PPP1R8: variants seen among roughly 807,000 people sequenced by gnomAD.
The protein encoded by PPP1R8 is protein phosphatase 1 regulatory subunit 8.
PPP1R8 carries 4 observed loss-of-function variants against 31.3 expected under a neutral mutation model. The ratio of observed to expected loss-of-function variants is 0.13; its 90% CI spans 0.06 to 0.29. PPP1R8 has a LOEUF of 0.29. Ranked by LOEUF, PPP1R8 falls within the 10% of genes least tolerant of loss-of-function variation. PPP1R8 has a pLI of 1.00. For synonymous variants in PPP1R8, 170 were observed against 169.7 expected (o/e 1.00, Z -0.01); for missense variants, 254 against 440.1 (o/e 0.58, Z 3.78).
At chr1:27,831,488 T>A in intron 1 of PPP1R8, 2 of 451,286 alleles carry the variant, frequency 4.4e-6, no homozygotes, top group Non-Finnish European at 5.8e-6. Flanking sequence ...TGAAATAATT[T>A]AATTTGGTCT....
At chr1:27,846,998 A>C (rs751736007) in intron 5 of PPP1R8, 30 bp from the exon 6 acceptor site, 7 of 1,605,438 alleles carry the variant, frequency 4.4e-6, no homozygotes, top group Non-Finnish European at 6.0e-6. Context: ...TAAAGTACCA[A>C]CCCAACCCTG....
intron 6 of PPP1R8, among the ~76,000 whole-genome samples, chr1:27,848,353 C>T (rs1321560093): frequency 6.6e-6 from 1 of 151,034 alleles, no homozygotes; most frequent in South Asian, 2.1e-4. Context: ...TGCAGTGAGC[C>T]GAGATCACAC....
In PPP1R8 at chr1:27,830,830, C is replaced by G; in HGVS notation, c.-6C>G. 3.8e-6 allele frequency: 6 copies of G among 1,575,134 alleles called. No homozygotes were observed. The highest frequency in any genetic ancestry group is 4.3e-6 in the Non-Finnish European group (5 of 1,161,458). On this transcript the variant is annotated 5_prime_UTR_variant, in exon 1 of 7. Coordinates refer to ENST00000311772, the MANE Select transcript of PPP1R8 (RefSeq NM_014110.5). ...GGGCGCGCCAAATGGGAGGGGGAGA[C>G]GCAAGATGGCGGCAGCCGCGAACTC...
At chr1:27,831,350 C>T (rs2089104015) in intron 1 of PPP1R8, 12 of 989,936 alleles carry the variant, frequency 1.2e-5, no homozygotes, top group Non-Finnish European at 1.4e-5. Context: ...TGTCTGTCTG[C>T]CACAGAGAAT....
intron 5 of PPP1R8, among the ~76,000 whole-genome samples, chr1:27,845,071 G>C (rs945513664): frequency 6.9e-6 from 1 of 144,942 alleles, no homozygotes; most frequent in African/African-American, 2.6e-5. Flanking sequence ...GTGAGGATCT[G>C]ATCTGCTCTG....
intron 5 of PPP1R8, among the ~76,000 whole-genome samples, chr1:27,845,441 A>G (rs536516193): frequency 1.3e-5 from 2 of 151,908 alleles, no homozygotes; most frequent in South Asian, 2.1e-4. Context: ...TTCTTAGGGA[A>G]ATGTGTTCAG....
intron 2 of PPP1R8, among the ~76,000 whole-genome samples, chr1:27,833,271 G>C (rs1471916162): frequency 6.6e-6 from 1 of 152,230 alleles, no homozygotes; most frequent in Non-Finnish European, 1.5e-5. Flanking sequence ...TAATGGAATT[G>C]TGGTGAAATT....
rs776486594 is a variant in PPP1R8, at chr1:27,830,900, C to G, written c.56+9C>G. The G allele has an allele frequency of 4.1e-5, 64 of 1,562,936 alleles. No homozygotes were observed. The highest frequency in any genetic ancestry group is 5.4e-5 in the Non-Finnish European group (62 of 1,154,652). On this transcript the variant is annotated intron_variant, in intron 1 of 6. Transcript: ENST00000311772. The stretch of plus-strand genomic sequence containing the variant: ...TTCGACTGCCCAACCTGGTGAGTGG[C>G]GGGGCGGCCAGGGCTAGAGTGGCCC...
chr1:27,847,831 C>CT (rs1360898181), intron 6 of PPP1R8, among the ~76,000 whole-genome samples: 7 of 152,280 alleles, frequency 4.6e-5, no homozygotes, highest in Admixed American at 6.5e-5. Flanking sequence ...GAAATGAAAT[C>CT]TATGTTTAGG....
chr1:27,845,113 G>C (rs572972774), intron 5 of PPP1R8, among the ~76,000 whole-genome samples: 2 of 141,978 alleles, frequency 1.4e-5, no homozygotes, highest in Admixed American at 1.4e-4. Context: ...GCCCTCGGCC[G>C]GGCACGGTGG....
chr1:27,843,459 C>G (rs2089242089), intron 5 of PPP1R8, 129 bp downstream of exon 5: 1 of 1,108,216 alleles, frequency 9.0e-7, no homozygotes. Context: ...GAGTTCAAGA[C>G]TAGCCTGGCC....
Position 27,850,819 on chromosome 1 carries a change from C to T in PPP1R8, c.*373C>T. 1 of 173,848 alleles carries T rather than the reference C, an allele frequency of 5.8e-6. No homozygotes were observed. Among genetic ancestry groups the T allele is most frequent in the Non-Finnish European group, 1.2e-5 (1 of 81,958 alleles). 10.8% of individuals were successfully genotyped at this position (173,848 alleles called of 1,614,324 possible). A position where few individuals can be genotyped will look rare whatever the true frequency, so the allele number is the denominator to read the frequency against. On this transcript the variant is annotated 3_prime_UTR_variant, in exon 7 of 7. Coordinates refer to ENST00000311772, the MANE Select transcript of PPP1R8 (RefSeq NM_014110.5). ...TAGAGGTTACAGTAGCATCACCAGC[C>T]TTGGGGGTCCAGAGCCTAATTTATA...
intron 5 of PPP1R8, among the ~76,000 whole-genome samples, chr1:27,843,641 C>CAA (rs67039473): frequency 6.9e-6 from 1 of 145,310 alleles, no homozygotes; most frequent in Non-Finnish European, 1.5e-5. Flanking sequence ...GCCTAGGTGA[C>CAA]AAAAAAAAAA....
At chr1:27,838,167 C>T (rs1412987640) in intron 2 of PPP1R8, among the ~76,000 whole-genome samples, 2 of 146,326 alleles carry the variant, frequency 1.4e-5, no homozygotes, top group Non-Finnish European at 3.0e-5. Context: ...GCCAAGATTG[C>T]ACCATTGCAC....
rs2089123466 is a variant in PPP1R8, at chr1:27,832,765, G to A, written c.66G>A (p.Lys22=). The A allele has an allele frequency of 6.2e-7, 1 of 1,610,374 alleles. No individual in the cohort carries two copies. Among genetic ancestry groups the A allele is most frequent in the Non-Finnish European group, 8.5e-7 (1 of 1,178,046 alleles). ...PLFDCPTWAG[K]PPPGLHLDVV... is the part of the protein sequence containing the mutation. The stretch of plus-strand genomic sequence containing the variant: ...TATTTTTATTTTTCAGGGCAGGTAA[G>A]CCCCCTCCCGGTTTACATCTGGATG... Residue 22 remains lysine (K), a synonymous_variant, in exon 2 of 7, where the codon AAG becomes AAA. Coordinates refer to ENST00000311772, the MANE Select transcript of PPP1R8 (RefSeq NM_014110.5).
At chr1:27,834,095 G>A (rs959133936) in intron 2 of PPP1R8, among the ~76,000 whole-genome samples, 4 of 152,168 alleles carry the variant, frequency 2.6e-5, no homozygotes, top group African/African-American at 9.7e-5. Context: ...AAGACATATA[G>A]GGATCTGTTT....
intron 3 of PPP1R8, among the ~76,000 whole-genome samples, chr1:27,840,069 A>G (rs1034325424): frequency 1.3e-5 from 2 of 152,290 alleles, no homozygotes; most frequent in South Asian, 4.1e-4. Flanking sequence ...AAAAAAATAA[A>G]AATAAAATAC....
At position 27,850,655 on chromosome 1, in the gene PPP1R8, A is replaced by G; in HGVS notation, c.*209A>G. 1.9e-6 allele frequency: 1 copy of G among 538,396 alleles called. No homozygotes were observed. The highest frequency in any genetic ancestry group is 2.9e-5 in the South Asian group (1 of 34,040). 33.4% of individuals were successfully genotyped at this position (538,396 alleles called of 1,614,324 possible). On this transcript the variant is annotated 3_prime_UTR_variant, in exon 7 of 7. Transcript: ENST00000311772. ...CTTCACAACACTTGCATTGTAGAGA[A>G]AGGCTTCTTATATCCTTTTCAATAG...
At position 27,847,008 on chromosome 1, in the gene PPP1R8, G is replaced by T; in HGVS notation, c.638-20G>T. On this transcript the variant is annotated intron_variant, in intron 5 of 6. Coordinates refer to ENST00000311772, the MANE Select transcript of PPP1R8 (RefSeq NM_014110.5). ...CCCAGTAAAGTACCAACCCAACCCT[G>T]CCCTCTTCTCTTTTTGCAGAGGATG... The T allele has an allele frequency of 6.2e-7, 1 of 1,611,456 alleles. No individual in the cohort carries two copies. Among genetic ancestry groups the T allele is most frequent in the Non-Finnish European group, 8.5e-7 (1 of 1,177,634 alleles).
Sources: allele counts gnomAD v4.1 joint callset (sites outside exome capture counted in the v4.1 genomes callset), GRCh38; gene constraint gnomAD v4.1.1; transcripts MANE v1.5; gene names NCBI Gene and HGNC (gene_info 2026-07-23, HGNC 2026-07-21).